Variants in LRRFIP1 observed in about 807,000 individuals in gnomAD.
The protein encoded by LRRFIP1 is leucine-rich repeat flightless-interacting protein 1.
LRRFIP1 carries 62 observed loss-of-function variants against 104.4 expected under a neutral mutation model. The observed-to-expected ratio is 0.59, with a 90% CI of 0.48 to 0.73. LRRFIP1 has a LOEUF of 0.73. Among genes scored for constraint, LRRFIP1 ranks in the 30% least tolerant of loss-of-function variants. LRRFIP1 has a pLI of 0.00. For missense variants in LRRFIP1, 796 were observed against 824.5 expected, an observed-to-expected ratio of 0.97 and a Z score of 0.42; for synonymous variants, 300 against 299.0, an observed-to-expected ratio of 1.00 and a Z score of -0.03.
intron 1 of LRRFIP1, among the ~76,000 whole-genome samples, chr2:237,632,458 C>G (rs950977285): frequency 1.6e-4 from 24 of 152,366 alleles, no homozygotes; most frequent in Admixed American, 1.6e-3. Flanking sequence ...TGGGACAGGG[C>G]TCACATCCAG....
chr2:237,697,552 T>C (rs11892238), intron 1 of LRRFIP1, among the ~76,000 whole-genome samples: 5,912 of 152,292 alleles, frequency 0.039, 342 homozygotes, highest in African/African-American at 0.13. Context: ...CAGCTGCTGT[T>C]TCTTTTATAG....
rs1326644775 is a variant in LRRFIP1 at position 237,769,945 on chromosome 2, A to G, written c.1462A>G (p.Ile488Val). ...LKSTGDGTLD[I>V]RLKKLVDERE... Reference sequence around the variant, plus strand: ...CTGTGTCTTTGTGATTTCTTTAGATATTAGGTTGAAAAAGCTGGTTGATGA... The same window carrying G: ...CTGTGTCTTTGTGATTTCTTTAGATGTTAGGTTGAAAAAGCTGGTTGATGA... Residue 488 changes from isoleucine to valine, a missense_variant and splice_region_variant, in exon 20 of 24, where the codon ATT (isoleucine) becomes GTT (valine). By Grantham distance (29) the Ile-to-Val change is conservative. Coordinates refer to ENST00000308482, the MANE Select transcript of LRRFIP1 (RefSeq NM_001137550.2). 4 of 1,600,974 alleles carry G rather than the reference A, an allele frequency of 2.5e-6. No homozygotes were observed. The highest frequency in any genetic ancestry group is 2.7e-5 in the African/African-American group (2 of 74,822).
In LRRFIP1 at chr2:237,781,239, G is replaced by A. The variant is rs2061422578; in HGVS notation, c.*1707G>A. ...CCAGCAGCAAACACTCACACATCACGCAGACACGGCCGGCAGCATGCTGAC... is the reference window on the plus strand; with the variant it reads ...CCAGCAGCAAACACTCACACATCACACAGACACGGCCGGCAGCATGCTGAC... On this transcript the variant is annotated 3_prime_UTR_variant, in exon 24 of 24. Transcript: ENST00000308482. Among the ~76,000 whole-genome samples, 1 of 152,204 alleles carries A rather than the reference G, an allele frequency of 6.6e-6. No homozygotes were observed. Among genetic ancestry groups the A allele is most frequent in the Admixed American group, 6.5e-5 (1 of 15,292 alleles).
intron 15 of LRRFIP1, among the ~76,000 whole-genome samples, chr2:237,754,385 T>G (rs1354156907): frequency 6.6e-6 from 1 of 152,194 alleles, no homozygotes; most frequent in East Asian, 1.9e-4. Flanking sequence ...AGATATAATT[T>G]CTATTGAGAG....
intron 1 of LRRFIP1, among the ~76,000 whole-genome samples, chr2:237,629,632 C>G (rs1240752860): frequency 6.6e-6 from 1 of 151,994 alleles, no homozygotes; most frequent in Non-Finnish European, 1.5e-5. Context: ...CCACCACACC[C>G]GGCTAATTTT....
At chr2:237,738,211 A>G (rs528277159) in intron 10 of LRRFIP1, among the ~76,000 whole-genome samples, 1 of 152,012 alleles carries the variant, frequency 6.6e-6, no homozygotes, top group Admixed American at 6.5e-5. Flanking sequence ...GAAGATCTGG[A>G]TGAGATCTTG....
chr2:237,727,999 A>C, intron 8 of LRRFIP1, 64 bp downstream of exon 8: 1 of 1,157,768 alleles, frequency 8.6e-7, no homozygotes, highest in Non-Finnish European at 1.2e-6. Context: ...TCTAGAACTA[A>C]AAACTAATTG....
chr2:237,640,906 T>C (rs1414485171), intron 1 of LRRFIP1, among the ~76,000 whole-genome samples: 2 of 152,116 alleles, frequency 1.3e-5, no homozygotes, highest in East Asian at 3.9e-4. Context: ...CCAAAAGGCG[T>C]GCATCTCAGC....
chr2:237,676,086 C>T (rs1301949491), intron 1 of LRRFIP1, among the ~76,000 whole-genome samples: 1 of 152,204 alleles, frequency 6.6e-6, no homozygotes, highest in East Asian at 1.9e-4. Flanking sequence ...ACTTTTTCAT[C>T]TTCCCAAACT....
intron 2 of LRRFIP1, 89 bp downstream of exon 2, chr2:237,708,719 G>A (rs1404210751): frequency 1.3e-5 from 18 of 1,381,354 alleles, no homozygotes; most frequent in Admixed American, 5.9e-5. Flanking sequence ...TGCTGCAGAC[G>A]CACCTGGCTG....
At chr2:237,648,452 T>C (rs2085337128) in intron 1 of LRRFIP1, among the ~76,000 whole-genome samples, 2 of 151,700 alleles carry the variant, frequency 1.3e-5, no homozygotes, top group Non-Finnish European at 2.9e-5. Context: ...CACGGCCAGG[T>C]GCCGTTGGCT....
In LRRFIP1 at chr2:237,735,263, C is replaced by A. The variant is rs769603777; in HGVS notation, c.490-5C>A. ...GCCCATCCTGACAGTCTCTTTTGGT[C>A]GCAGGCGTCTGTGTTGGATGAAGGC... On this transcript the variant is annotated splice_region_variant and splice_polypyrimidine_tract_variant and intron_variant, in intron 9 of 23. Transcript: ENST00000308482. The surrounding 1 kb of genome is among the most constrained non-coding windows in gnomAD (Gnocchi z 4.6). 3.1e-6 allele frequency: 5 copies of A among 1,612,806 alleles called. No individual in the cohort carries two copies. Among genetic ancestry groups the A allele is most frequent in the Non-Finnish European group, 4.2e-6 (5 of 1,179,552 alleles).
chr2:237,690,601 G>C (rs1346186470), intron 1 of LRRFIP1, among the ~76,000 whole-genome samples: 2 of 152,002 alleles, frequency 1.3e-5, no homozygotes, highest in African/African-American at 4.8e-5. Context: ...GCCGGGCATG[G>C]TGGCAGGTGC....
chr2:237,696,325 C>A (rs764617631), intron 1 of LRRFIP1, among the ~76,000 whole-genome samples: 1 of 152,128 alleles, frequency 6.6e-6, no homozygotes, highest in Non-Finnish European at 1.5e-5. Context: ...TGGGCTTTCC[C>A]TGTGGGTTGA....
At chr2:237,714,327 G>T in intron 3 of LRRFIP1, 51 bp downstream of exon 3, 2 of 1,477,310 alleles carry the variant, frequency 1.4e-6, no homozygotes, top group South Asian at 1.2e-5. Flanking sequence ...TTTTTTCCTT[G>T]CCAAGGGCCT....
chr2:237,652,187 A>G (rs1388619782), intron 1 of LRRFIP1, among the ~76,000 whole-genome samples: 1 of 152,244 alleles, frequency 6.6e-6, no homozygotes, highest in Non-Finnish European at 1.5e-5. Flanking sequence ...TAAAAGCCCC[A>G]ACTTGCACCT....
chr2:237,663,966 G>A (rs553281796), intron 1 of LRRFIP1, among the ~76,000 whole-genome samples: 1 of 152,144 alleles, frequency 6.6e-6, no homozygotes, highest in Non-Finnish European at 1.5e-5. Flanking sequence ...GTGGAGCCCC[G>A]GGAACCTCAG....
chr2:237,757,693 A>G (rs764937399), intron 17 of LRRFIP1, 145 bp downstream of exon 17: 47 of 671,538 alleles, frequency 7.0e-5, no homozygotes, highest in Non-Finnish European at 1.1e-4. Flanking sequence ...AATTTATTTA[A>G]TTTTATTAAG....
At chr2:237,731,464 A>T (rs1346672091) in intron 8 of LRRFIP1, among the ~76,000 whole-genome samples, 1 of 150,852 alleles carries the variant, frequency 6.6e-6, no homozygotes, top group Non-Finnish European at 1.5e-5. Flanking sequence ...TCTGTAATAA[A>T]TCCCCCCACT....
Sources: gnomAD v4.1 joint callset for allele counts (sites outside exome capture counted in the v4.1 genomes callset) on GRCh38, gnomAD v4.1.1 for gene constraint, Gnocchi (gnomAD v3.1) non-coding constraint, MANE v1.5 for transcripts, NCBI Gene and HGNC (gene_info 2026-07-23, HGNC 2026-07-21) for gene names.